Variants in TTPAL observed in about 807,000 individuals in gnomAD.
TTPAL encodes alpha tocopherol transfer protein like, also known as alpha-tocopherol transfer protein-like.
A neutral mutation model predicts 28.7 loss-of-function variants in TTPAL; 21 were observed. That is an observed-to-expected ratio of 0.73 (90% CI 0.52 to 1.06). The LOEUF (loss-of-function observed/expected upper bound fraction) is 1.06, where lower values mean the gene tolerates loss of function less well. TTPAL is among the 50% of genes least tolerant of loss of function. The pLI, the probability that TTPAL is intolerant of heterozygous loss-of-function variation, is 0.00. For synonymous variants in TTPAL, 169 were observed against 171.9 expected, an observed-to-expected ratio of 0.98 and a Z score of 0.13; for missense variants, 345 against 425.5, an observed-to-expected ratio of 0.81 and a Z score of 1.67.
intron 4 of TTPAL, 89 bp from the exon 5 acceptor site, chr20:44,489,174 G>A: frequency 7.1e-7 from 1 of 1,403,192 alleles, no homozygotes; most frequent in Non-Finnish European, 9.7e-7. Flanking sequence ...TCATTCAACA[G>A]ATATTTATTT....
At chr20:44,476,868 A>AT (rs541957657) in intron 1 of TTPAL, among the ~76,000 whole-genome samples, 24 of 152,240 alleles carry the variant, frequency 1.6e-4, no homozygotes, top group Non-Finnish European at 2.4e-4. Flanking sequence ...TATTTGATAA[A>AT]TGAGTGCGTG....
rs181122254 is a variant in TTPAL at position 44,490,542 on chromosome 20, T to C, written c.*1001T>C. On this transcript the variant is annotated 3_prime_UTR_variant, in exon 5 of 5. Transcript: ENST00000262605. ...ATCCTGTTTTTGTTTGTGGTACATG[T>C]GTCTTTCCAAGAGAGATGTGTCACC... The C allele has an allele frequency of 3.3e-4, 51 of 152,474 alleles. No homozygotes were observed. Among genetic ancestry groups the C allele is most frequent in the African/African-American group, 1.1e-3 (44 of 41,578 alleles). 9.4% of individuals were successfully genotyped at this position (152,474 alleles called of 1,614,324 possible).
intron 2 of TTPAL, among the ~76,000 whole-genome samples, chr20:44,483,076 T>C (rs922156049): frequency 5.9e-5 from 9 of 152,178 alleles, no homozygotes; most frequent in Non-Finnish European, 1.2e-4. Flanking sequence ...CAGGCTGGTC[T>C]TGAACTCCTG....
chr20:44,489,547 C>T lies in TTPAL; in HGVS notation c.*6C>T. The T allele has an allele frequency of 1.9e-6, 3 of 1,608,800 alleles. No individual in the cohort carries two copies. Among genetic ancestry groups the T allele is most frequent in the Non-Finnish European group, 2.6e-6 (3 of 1,176,458 alleles). ...AGCTGTACTCCTGCTACTAGCCCGT[C>T]CCCCAGGGTCACCATCTTTAATTCT... is the stretch of plus-strand genomic sequence containing the variant. On this transcript the variant is annotated 3_prime_UTR_variant, in exon 5 of 5. Coordinates refer to ENST00000262605, the MANE Select transcript of TTPAL (RefSeq NM_001039199.3).
chr20:44,480,065 GCCA>G lies in TTPAL; in HGVS notation c.75_77del (p.Pro26del). The stretch of plus-strand genomic sequence containing the variant: ...TGGCCTCACTCTCTGAAAATGAGCT[GCCA>G]CCACCACCTGAGCCTCCGGGCTATG... On this transcript the variant is annotated inframe_deletion, in exon 2 of 5. Coordinates refer to ENST00000262605, the MANE Select transcript of TTPAL (RefSeq NM_001039199.3). The surrounding 1 kb of genome is among the most constrained non-coding windows in gnomAD (Gnocchi z 4.1). 6.2e-7 allele frequency: 1 copy of G among 1,614,170 alleles called. No individual in the cohort carries two copies. Among genetic ancestry groups the G allele is most frequent in the Non-Finnish European group, 8.5e-7 (1 of 1,180,030 alleles).
Position 44,490,974 on chromosome 20 carries a change from G to C in TTPAL, c.*1433G>C, listed in dbSNP as rs901102533. 4 of 150,870 alleles carry C rather than the reference G, an allele frequency of 2.7e-5. No individual in the cohort carries two copies. The highest frequency in any genetic ancestry group is 9.8e-5 in the African/African-American group (4 of 40,894). The allele number at this position is 150,870 out of a possible 1,614,324, so 9.3% of individuals were successfully genotyped here. On this transcript the variant is annotated 3_prime_UTR_variant, in exon 5 of 5. Coordinates refer to ENST00000262605, the MANE Select transcript of TTPAL (RefSeq NM_001039199.3). ...TCCTGTAGTCCCAGCTACTCGGGAG[G>C]CTGAGGCAGAAGAATCACGTGAACC... is the stretch of plus-strand genomic sequence containing the variant.
intron 1 of TTPAL, among the ~76,000 whole-genome samples, chr20:44,479,071 G>C (rs1381141917): frequency 6.6e-6 from 1 of 152,006 alleles, no homozygotes; most frequent in Non-Finnish European, 1.5e-5. Flanking sequence ...TTACAGGCGT[G>C]AGCCACCGCG....
At position 44,489,727 on chromosome 20, in the gene TTPAL, GGA is replaced by G; in HGVS notation, c.*187_*188del. 1 of 601,272 alleles carries G rather than the reference GGA, an allele frequency of 1.7e-6. No individual in the cohort carries two copies. Among genetic ancestry groups the G allele is most frequent in the Non-Finnish European group, 2.9e-6 (1 of 349,960 alleles). The allele number at this position is 601,272 out of a possible 1,614,324, so 37.2% of individuals were successfully genotyped here. Reference sequence around the variant, plus strand: ...CCTTTGGTTACTTTAATTACTCCATGGAAGACATGGAAAATGTCCCCACTGAT... The same window carrying G: ...CCTTTGGTTACTTTAATTACTCCATGAGACATGGAAAATGTCCCCACTGAT... On this transcript the variant is annotated 3_prime_UTR_variant, in exon 5 of 5. Transcript: ENST00000262605.
In TTPAL at chr20:44,484,394, C is replaced by G. The variant is rs753440512; in HGVS notation, c.503C>G (p.Thr168Ser). 2 of 1,604,966 alleles carry G rather than the reference C, an allele frequency of 1.2e-6. No individual in the cohort carries two copies. Among genetic ancestry groups the G allele is most frequent in the Non-Finnish European group, 1.7e-6 (2 of 1,172,498 alleles). The change falls in exon 3 of 5, where the codon ACC becomes AGC. Residue 168 changes from threonine (T) to serine (S), a missense_variant. Coordinates refer to ENST00000262605, the MANE Select transcript of TTPAL (RefSeq NM_001039199.3). The part of the protein sequence containing the change: ...ITENIRAIYL[T>S]LEKLIQSEET... ...GAAAACATCCGAGCCATATACTTGACCTTAGAAAAACTCATTCAGTCTGAA... is the reference window on the plus strand; with the variant it reads ...GAAAACATCCGAGCCATATACTTGAGCTTAGAAAAACTCATTCAGTCTGAA...
chr20:44,477,935 A>T (rs924280325), intron 1 of TTPAL, among the ~76,000 whole-genome samples: 4 of 152,196 alleles, frequency 2.6e-5, no homozygotes, highest in Non-Finnish European at 5.9e-5. Context: ...GATTACAGGC[A>T]TAAGCCACCA....
intron 2 of TTPAL, among the ~76,000 whole-genome samples, chr20:44,483,948 T>C (rs1431762476): frequency 6.6e-6 from 1 of 152,104 alleles, no homozygotes; most frequent in Non-Finnish European, 1.5e-5. Flanking sequence ...CACCCCACCA[T>C]ACCTGGCTAG....
Position 44,489,319 on chromosome 20 carries a change from C to T in TTPAL, c.807C>T (p.Ile269=). 1 of 1,614,172 alleles carries T rather than the reference C, an allele frequency of 6.2e-7. No homozygotes were observed. Among genetic ancestry groups the T allele is most frequent in the Non-Finnish European group, 8.5e-7 (1 of 1,180,018 alleles). ...NSLHTNLPRS[I]LPKEYGGTAG... is the part of the protein sequence containing the mutation. ...TCCACACAAACCTTCCAAGAAGCAT[C>T]CTCCCCAAGGAGTATGGGGGCACGG... Residue 269 remains isoleucine, a synonymous_variant, in exon 5 of 5, where the codon ATC becomes ATT. Coordinates refer to ENST00000262605, the MANE Select transcript of TTPAL (RefSeq NM_001039199.3).
At chr20:44,484,795 G>A (rs1049547191) in intron 3 of TTPAL, among the ~76,000 whole-genome samples, 4 of 152,186 alleles carry the variant, frequency 2.6e-5, no homozygotes, top group African/African-American at 9.7e-5. Context: ...TTCTTGGTCT[G>A]GAAGGCAGAG....
chr20:44,477,371 G>T (rs1274879023), intron 1 of TTPAL, among the ~76,000 whole-genome samples: 1 of 152,136 alleles, frequency 6.6e-6, no homozygotes, highest in East Asian at 1.9e-4. Context: ...ACCATGTTAG[G>T]CGCTGGGTTT....
Position 44,484,342 on chromosome 20 carries a change from T to C in TTPAL, c.451T>C (p.Trp151Arg), listed in dbSNP as rs769315893. ...CHVVCIRPDR[W>R]IPSNYPITEN... ...TCAATCTCTTATGACCTTAGACAGATGGATACCAAGCAACTATCCAATTAC... is the reference window on the plus strand; with the variant it reads ...TCAATCTCTTATGACCTTAGACAGACGGATACCAAGCAACTATCCAATTAC... Residue 151 changes from tryptophan (W) to arginine (R), a missense_variant, in exon 3 of 5, where the codon TGG (tryptophan) becomes CGG (arginine). By Grantham distance (101) the Trp-to-Arg change is moderately radical. Coordinates refer to ENST00000262605, the MANE Select transcript of TTPAL (RefSeq NM_001039199.3). The C allele has an allele frequency of 1.9e-6, 3 of 1,571,036 alleles. No homozygotes were observed. Among genetic ancestry groups the C allele is most frequent in the Non-Finnish European group, 1.7e-6 (2 of 1,146,232 alleles).
intron 2 of TTPAL, among the ~76,000 whole-genome samples, chr20:44,482,799 G>A (rs2064118516): frequency 6.6e-6 from 1 of 151,900 alleles, no homozygotes; most frequent in Admixed American, 6.6e-5. Flanking sequence ...GAAAGAGGAG[G>A]GGAACATAGC....
rs1307475569 is a variant in TTPAL at position 44,492,776 on chromosome 20, G to GA, written c.*3238dup. The GA allele has an allele frequency of 6.6e-6, 1 of 152,400 alleles. No individual in the cohort carries two copies. The highest frequency in any genetic ancestry group is 1.9e-4 in the East Asian group (1 of 5,316). The allele number at this position is 152,400 out of a possible 1,614,324, so 9.4% of individuals were successfully genotyped here. A position where few individuals can be genotyped will look rare whatever the true frequency, so the allele number is the denominator to read the frequency against. The stretch of plus-strand genomic sequence containing the variant: ...TGCCTTCATGGGGGAGAGACTGGAT[G>GA]AAATCTACAAAAACAGCCAAAAGTG... On this transcript the variant is annotated 3_prime_UTR_variant, in exon 5 of 5. Coordinates refer to ENST00000262605, the MANE Select transcript of TTPAL (RefSeq NM_001039199.3).
At position 44,490,051 on chromosome 20, in the gene TTPAL, T is replaced by TC. The variant is rs2122953280; in HGVS notation, c.*510_*511insC. ...GACCTCTGCTGCTCATCAGGAAACT[T>TC]ACTGGAGATGAAGGCCCCAGCTGTT... On this transcript the variant is annotated 3_prime_UTR_variant, in exon 5 of 5. Coordinates refer to ENST00000262605, the MANE Select transcript of TTPAL (RefSeq NM_001039199.3). 1 of 158,822 alleles carries TC rather than the reference T, an allele frequency of 6.3e-6. No homozygotes were observed. The highest frequency in any genetic ancestry group is 1.4e-5 in the Non-Finnish European group (1 of 71,502). 9.8% of individuals were successfully genotyped at this position (158,822 alleles called of 1,614,324 possible). A position where few individuals can be genotyped will look rare whatever the true frequency, so the allele number is the denominator to read the frequency against.
Position 44,486,416 on chromosome 20 carries a change from C to T in TTPAL, c.640-180C>T, listed in dbSNP as rs1286941198. ...CTCTCTTCTAACCCAGTTTTGGGTC[C>T]CAGGAAAGACTTTCCCTGAGGTCCG... On this transcript the variant is annotated intron_variant, in intron 3 of 4. Transcript: ENST00000262605. 2.7e-5 allele frequency: 13 copies of T among 489,786 alleles called. No individual in the cohort carries two copies. The East Asian group carries it at 4.4e-4, about 17-fold the overall frequency. The allele number at this position is 489,786 out of a possible 1,614,324, so 30.3% of individuals were successfully genotyped here. A position where few individuals can be genotyped will look rare whatever the true frequency, so the allele number is the denominator to read the frequency against.
Sources: allele counts gnomAD v4.1 joint callset (sites outside exome capture counted in the v4.1 genomes callset), GRCh38; gene constraint gnomAD v4.1.1; non-coding constraint Gnocchi (gnomAD v3.1); transcripts MANE v1.5; gene names NCBI Gene and HGNC (gene_info 2026-07-23, HGNC 2026-07-21).